MACROD2: variants seen among roughly 807,000 people sequenced by gnomAD.
The protein encoded by MACROD2 is mono-ADP ribosylhydrolase 2, also known as ADP-ribose glycohydrolase MACROD2.
A neutral mutation model predicts 70.4 loss-of-function variants in MACROD2; 36 were observed. The ratio of observed to expected loss-of-function variants is 0.51; its 90% CI spans 0.39 to 0.68. The LOEUF (loss-of-function observed/expected upper bound fraction) is 0.68, where lower values mean the gene tolerates loss of function less well. Among genes scored for constraint, MACROD2 ranks in the 30% least tolerant of loss-of-function variants. The pLI is 0.00. For synonymous variants in MACROD2, 172 were observed against 178.8 expected (o/e 0.96, Z 0.30); for missense variants, 496 against 538.4 (o/e 0.92, Z 0.78).
chr20:15,841,244 A>G lies in MACROD2; in HGVS notation c.646-21501A>G, dbSNP rs558330769. 1.6e-4 allele frequency among the ~76,000 whole-genome samples: 25 copies of G among 152,314 alleles called. No individual in the cohort carries two copies. In the South Asian group the frequency reaches 5.0e-3, roughly 30 times the overall value. Reference sequence around the variant, plus strand: ...GATCAAGGGCCGTGGCCAAGGAAATACAAGCGTATTTTATTACATTTTCAG... The same window carrying G: ...GATCAAGGGCCGTGGCCAAGGAAATGCAAGCGTATTTTATTACATTTTCAG... On this transcript the variant is annotated intron_variant, in intron 8 of 17. Coordinates refer to ENST00000684519, the MANE Select transcript of MACROD2 (RefSeq NM_001351661.2).
chr20:15,537,688 A>G (rs540336646), intron 8 of MACROD2, among the ~76,000 whole-genome samples: 14 of 151,968 alleles, frequency 9.2e-5, no homozygotes, highest in African/African-American at 2.7e-4. Context: ...TGGCCAGGCT[A>G]GTCTCAAACT....
intron 5 of MACROD2, among the ~76,000 whole-genome samples, chr20:15,198,782 A>G (rs544314750): frequency 6.6e-6 from 1 of 152,248 alleles, no homozygotes; most frequent in Non-Finnish European, 1.5e-5. Context: ...ATTTCCATAG[A>G]AGAGACTCCG....
At chr20:14,367,300 A>G (rs1205128465) in intron 3 of MACROD2, among the ~76,000 whole-genome samples, 1 of 152,240 alleles carries the variant, frequency 6.6e-6, no homozygotes, top group Non-Finnish European at 1.5e-5. Flanking sequence ...GGAAATAAAA[A>G]GAAGAGATAC....
At chr20:14,162,249 A>G (rs186752388) in intron 3 of MACROD2, among the ~76,000 whole-genome samples, 46 of 152,272 alleles carry the variant, frequency 3.0e-4, no homozygotes, top group Admixed American at 1.8e-3. Flanking sequence ...ATATGATTTC[A>G]TTTTTAAATA....
chr20:14,791,391 A>G (rs964877612), intron 5 of MACROD2, among the ~76,000 whole-genome samples: 5 of 152,096 alleles, frequency 3.3e-5, no homozygotes, highest in Non-Finnish European at 7.3e-5. Context: ...TGAGGTTTAC[A>G]GAGGCGTTAT....
intron 7 of MACROD2, among the ~76,000 whole-genome samples, chr20:15,456,442 G>A (rs1236759430): frequency 6.6e-6 from 1 of 152,172 alleles, no homozygotes; most frequent in Non-Finnish European, 1.5e-5. Context: ...AAGAGTGACT[G>A]CCTTCACTGC....
chr20:14,053,846 T>C (rs912515760), intron 2 of MACROD2, among the ~76,000 whole-genome samples: 2 of 152,254 alleles, frequency 1.3e-5, no homozygotes, highest in East Asian at 3.9e-4. Context: ...ACAGACCTTA[T>C]ATTAGTGCAT....
At position 14,901,574 on chromosome 20, in the gene MACROD2, A is replaced by T. The variant is rs111817069; in HGVS notation, c.418+216615A>T. Among the ~76,000 whole-genome samples, 624 of 152,256 alleles carry T rather than the reference A, an allele frequency of 4.1e-3. 2 individuals carry two copies. The highest frequency in any genetic ancestry group is 0.014 in the African/African-American group (589 of 41,564). ...TAATTTCATGAATTTTTTTCCAAGT[A>T]TTGGAAATGATCTAAATGGCTGTGT... On this transcript the variant is annotated intron_variant, in intron 5 of 17. Transcript: ENST00000684519.
At chr20:14,803,914 C>T (rs1254149037) in intron 5 of MACROD2, among the ~76,000 whole-genome samples, 4 of 152,180 alleles carry the variant, frequency 2.6e-5, no homozygotes, top group African/African-American at 9.6e-5. Context: ...TAACTCTCTC[C>T]TTATCAAGTG....
rs374930535 is a variant in MACROD2 at position 15,109,468 on chromosome 20, A to G, written c.419-120472A>G. Among the ~76,000 whole-genome samples, 10 of 152,268 alleles carry G rather than the reference A, an allele frequency of 6.6e-5. No homozygotes were observed. The East Asian group carries it at 1.5e-3, about 24-fold the overall frequency. On this transcript the variant is annotated intron_variant, in intron 5 of 17. Transcript: ENST00000684519. ...GGGTTGCTGACAGTGCTTAATGTGG[A>G]AGAGGTAGGAAGCTAAAGAGATGGC...
At chr20:15,728,288 C>A (rs1042282884) in intron 8 of MACROD2, among the ~76,000 whole-genome samples, 3 of 152,070 alleles carry the variant, frequency 2.0e-5, no homozygotes, top group African/African-American at 7.2e-5. Flanking sequence ...TGATATGCTA[C>A]TGGATTCAGT....
At chr20:15,253,162 G>A (rs2077170206) in intron 6 of MACROD2, among the ~76,000 whole-genome samples, 1 of 152,164 alleles carries the variant, frequency 6.6e-6, no homozygotes, top group African/African-American at 2.4e-5. Flanking sequence ...GGCAGGAAAG[G>A]GAAGGTTTTT....
intron 8 of MACROD2, among the ~76,000 whole-genome samples, chr20:15,621,776 T>C (rs923835762): frequency 7.9e-5 from 12 of 152,136 alleles, no homozygotes; most frequent in African/African-American, 2.9e-4. Flanking sequence ...AATGAAATAA[T>C]ATTATCCAGG....
chr20:15,802,574 C>T (rs78825543), intron 8 of MACROD2, among the ~76,000 whole-genome samples: 10,185 of 151,954 alleles, frequency 0.067, 885 homozygotes, highest in African/African-American at 0.19. Context: ...CAAATAAACA[C>T]CCTAATGATG....
At position 14,908,181 on chromosome 20, in the gene MACROD2, T is replaced by G. The variant is rs924709248; in HGVS notation, c.418+223222T>G. 4.6e-5 allele frequency among the ~76,000 whole-genome samples: 7 copies of G among 151,924 alleles called. 1 individual carries two copies. The highest frequency in any genetic ancestry group is 6.5e-5 in the Admixed American group (1 of 15,268). The stretch of plus-strand genomic sequence containing the variant: ...CAACACGGTGAAATCTTTTCTCTAC[T>G]AACAATACAAAAATTAGCTGGGCGT... On this transcript the variant is annotated intron_variant, in intron 5 of 17. Coordinates refer to ENST00000684519, the MANE Select transcript of MACROD2 (RefSeq NM_001351661.2).
At chr20:15,322,066 C>T (rs1171253729) in intron 6 of MACROD2, among the ~76,000 whole-genome samples, 2 of 144,220 alleles carry the variant, frequency 1.4e-5, no homozygotes, top group African/African-American at 5.0e-5. Flanking sequence ...GCTGGGATTA[C>T]AGGCATGAGC....
intron 5 of MACROD2, among the ~76,000 whole-genome samples, chr20:15,120,864 C>T (rs1309174619): frequency 6.6e-6 from 1 of 152,158 alleles, no homozygotes; most frequent in Non-Finnish European, 1.5e-5. Flanking sequence ...TCTTTAACAC[C>T]TGTCACACTC....
intron 5 of MACROD2, among the ~76,000 whole-genome samples, chr20:15,211,875 G>A (rs1436267120): frequency 6.6e-6 from 1 of 152,162 alleles, no homozygotes; most frequent in African/African-American, 2.4e-5. Context: ...CAGTTCTCTT[G>A]GGTAGATCCT....
intron 5 of MACROD2, among the ~76,000 whole-genome samples, chr20:14,890,462 A>G (rs1339962049): frequency 6.6e-5 from 10 of 152,076 alleles, no homozygotes; most frequent in Non-Finnish European, 1.5e-4. Flanking sequence ...GGAGAGCTTC[A>G]TGGTGTCGAG....
Sources: allele counts gnomAD v4.1 joint callset (sites outside exome capture counted in the v4.1 genomes callset), GRCh38; gene constraint gnomAD v4.1.1; transcripts MANE v1.5; gene names NCBI Gene and HGNC (gene_info 2026-07-23, HGNC 2026-07-21).